Variants in CUX2 observed in about 807,000 individuals in gnomAD.
The protein encoded by CUX2 is cut like homeobox 2, also known as homeobox protein cut-like 2.
Under a neutral mutation model 144.8 loss-of-function variants are expected in CUX2, and 40 were observed. The ratio of observed to expected loss-of-function variants is 0.28; its 90% CI spans 0.21 to 0.36. The LOEUF (loss-of-function observed/expected upper bound fraction) is 0.36, where lower values mean the gene tolerates loss of function less well. Ranked by LOEUF, CUX2 falls within the 10% of genes least tolerant of loss-of-function variation. CUX2 has a pLI of 1.00. For missense variants in CUX2, 1,615 were observed against 1,994.0 expected (o/e 0.81, Z 3.62); for synonymous variants, 827 against 875.6 (o/e 0.94, Z 0.98).
chr12:111,299,320 G>A (rs933480517), intron 9 of CUX2, among the ~76,000 whole-genome samples: 1 of 152,236 alleles, frequency 6.6e-6, no homozygotes, highest in Non-Finnish European at 1.5e-5. Context: ...TTTGAAGCTG[G>A]GTTTCAGAGT....
At position 111,160,860 on chromosome 12, in the gene CUX2, T is replaced by C. The variant is rs1041104773; in HGVS notation, c.64-53340T>C. Reference sequence around the variant, plus strand: ...GAAGATGACTCCCGGGCTCCTGGCCTGAACAGCTGGGTGGACTCCGTGCCG... The same window carrying C: ...GAAGATGACTCCCGGGCTCCTGGCCCGAACAGCTGGGTGGACTCCGTGCCG... On this transcript the variant is annotated intron_variant, in intron 1 of 21. Coordinates refer to ENST00000261726, the MANE Select transcript of CUX2 (RefSeq NM_015267.4). This position sits in a 1 kb window ranked among gnomAD's most constrained non-coding sequence, Gnocchi z 4.1. 3.3e-5 allele frequency among the ~76,000 whole-genome samples: 5 copies of C among 152,158 alleles called. No homozygotes were observed. The highest frequency in any genetic ancestry group is 1.2e-4 in the African/African-American group (5 of 41,434).
At chr12:111,219,702 C>T (rs138687737) in intron 3 of CUX2, among the ~76,000 whole-genome samples, 37 of 152,230 alleles carry the variant, frequency 2.4e-4, no homozygotes, top group African/African-American at 6.3e-4. Flanking sequence ...GTCTGACACA[C>T]GAAGAGCTGT....
chr12:111,046,011 C>T (rs562954704), intron 1 of CUX2, among the ~76,000 whole-genome samples: 8 of 152,348 alleles, frequency 5.3e-5, no homozygotes, highest in African/African-American at 1.9e-4. Flanking sequence ...CCTAGAGATT[C>T]GTTTGCAGTA....
intron 1 of CUX2, among the ~76,000 whole-genome samples, chr12:111,055,296 T>C (rs941368362): frequency 6.6e-6 from 1 of 152,192 alleles, no homozygotes; most frequent in Non-Finnish European, 1.5e-5. Context: ...GAGGCCACCG[T>C]CAGAGCTGGT....
At chr12:111,237,841 C>T (rs1022236470) in intron 3 of CUX2, among the ~76,000 whole-genome samples, 1 of 152,202 alleles carries the variant, frequency 6.6e-6, no homozygotes, top group Non-Finnish European at 1.5e-5. Flanking sequence ...TCTTCCCCTG[C>T]CCCCGTTTCT....
chr12:111,312,060 A>T lies in CUX2; in HGVS notation c.1901-40A>T, dbSNP rs1292833284. The stretch of plus-strand genomic sequence containing the variant: ...CACCAGGCTCCGGAGACTGAGCCCA[A>T]CATGCAGATCCTGCCACAGATGCCT... On this transcript the variant is annotated intron_variant, in intron 15 of 21. Transcript: ENST00000261726. The surrounding 1 kb of genome is among the most constrained non-coding windows in gnomAD (Gnocchi z 4.3). 1 of 1,573,050 alleles carries T rather than the reference A, an allele frequency of 6.4e-7. No individual in the cohort carries two copies. Among genetic ancestry groups the T allele is most frequent in the Non-Finnish European group, 8.7e-7 (1 of 1,148,914 alleles).
intron 21 of CUX2, among the ~76,000 whole-genome samples, chr12:111,344,859 A>T (rs963394606): frequency 6.6e-6 from 1 of 152,192 alleles, no homozygotes; most frequent in Non-Finnish European, 1.5e-5. Context: ...TATCAGTGCA[A>T]ATCAGACTAG....
intron 20 of CUX2, among the ~76,000 whole-genome samples, chr12:111,341,296 C>T (rs183719772): frequency 6.6e-6 from 1 of 151,564 alleles, no homozygotes; most frequent in African/African-American, 2.4e-5. Context: ...CCCATCTCTA[C>T]AAAAAAAATT....
In CUX2 at chr12:111,293,700, G is replaced by A; in HGVS notation, c.560+131G>A. 2 of 1,318,258 alleles carry A rather than the reference G, an allele frequency of 1.5e-6. No homozygotes were observed. The highest frequency in any genetic ancestry group is 2.0e-6 in the Non-Finnish European group (2 of 977,804). The allele number at this position is 1,318,258 out of a possible 1,614,324, so 81.7% of individuals were successfully genotyped here. A position where few individuals can be genotyped will look rare whatever the true frequency, so the allele number is the denominator to read the frequency against. On this transcript the variant is annotated intron_variant, in intron 6 of 21. Transcript: ENST00000261726. This position sits in a 1 kb window ranked among gnomAD's most constrained non-coding sequence, Gnocchi z 4.5. ...GCAGGCTGGAGACCGAGATGAGAAAGGGCCGAGGGCTTTGGACTCCAACCG... is the reference window on the plus strand; with the variant it reads ...GCAGGCTGGAGACCGAGATGAGAAAAGGCCGAGGGCTTTGGACTCCAACCG...
At position 111,320,454 on chromosome 12, in the gene CUX2, C is replaced by T. The variant is rs780582048; in HGVS notation, c.2445C>T (p.Tyr815=). The T allele has an allele frequency of 2.5e-6, 4 of 1,594,360 alleles. No individual in the cohort carries two copies. The highest frequency in any genetic ancestry group is 3.4e-6 in the Non-Finnish European group (4 of 1,176,348). ...TGTCCTCCTCCTCCTCCTCTGGCTA[C>T]TCTGGCCAGCCCAACGGCCGCGCCT... is the stretch of plus-strand genomic sequence containing the variant. The part of the protein sequence containing the change: ...PSLSSSSSSG[Y]SGQPNGRAWP... Residue 815 remains tyrosine (Y), a synonymous_variant, in exon 17 of 22, where the codon TAC becomes TAT. Transcript: ENST00000261726. This position sits in a 1 kb window ranked among gnomAD's most constrained non-coding sequence, Gnocchi z 8.1.
chr12:111,315,945 T>C (rs772689639), intron 16 of CUX2, among the ~76,000 whole-genome samples: 6 of 152,178 alleles, frequency 3.9e-5, no homozygotes. Flanking sequence ...GATCATGCGA[T>C]GCATGTAGTT....
At position 111,043,224 on chromosome 12, in the gene CUX2, G is replaced by C. The variant is rs545468216; in HGVS notation, c.63+8984G>C. Among the ~76,000 whole-genome samples the C allele has an allele frequency of 1.8e-3, 268 of 152,320 alleles. 1 individual carries two copies. Among genetic ancestry groups the C allele is most frequent in the Non-Finnish European group, 2.8e-3 (188 of 68,030 alleles). On this transcript the variant is annotated intron_variant, in intron 1 of 21. Transcript: ENST00000261726. ...ACATGCCATTTCACAGACGGGCAAG[G>C]GGAGTAGATTCCGAGACAGTATATG...
At chr12:111,236,656 A>T (rs1333788610) in intron 3 of CUX2, among the ~76,000 whole-genome samples, 1 of 152,352 alleles carries the variant, frequency 6.6e-6, no homozygotes, top group East Asian at 1.9e-4. Context: ...CACTGGTTCA[A>T]GAGAAATGCC....
intron 1 of CUX2, among the ~76,000 whole-genome samples, chr12:111,207,736 A>G (rs998530996): frequency 1.5e-4 from 23 of 152,182 alleles, no homozygotes; most frequent in African/African-American, 5.3e-4. Flanking sequence ...ACTATGAGCT[A>G]TTGTTTCCTA....
intron 3 of CUX2, among the ~76,000 whole-genome samples, chr12:111,235,198 G>A (rs1246125223): frequency 3.9e-5 from 6 of 152,178 alleles, no homozygotes; most frequent in Admixed American, 3.3e-4. Flanking sequence ...AGTGCTGGGA[G>A]GCGGGGCTGG....
intron 1 of CUX2, among the ~76,000 whole-genome samples, chr12:111,040,968 C>T (rs1193723337): frequency 1.3e-5 from 2 of 152,168 alleles, no homozygotes; most frequent in Admixed American, 6.5e-5. Context: ...TGTGGCATGG[C>T]TGAAATTTTA....
At chr12:111,073,691 G>A (rs913395226) in intron 1 of CUX2, among the ~76,000 whole-genome samples, 7 of 152,066 alleles carry the variant, frequency 4.6e-5, no homozygotes, top group Non-Finnish European at 8.8e-5. Context: ...TGGTCATGGT[G>A]GCTTATGCCT....
In CUX2 at chr12:111,310,983, A is replaced by G. The variant is rs1042397696; in HGVS notation, c.1900+301A>G. Among the ~76,000 whole-genome samples the G allele has an allele frequency of 2.0e-5, 3 of 152,266 alleles. No individual in the cohort carries two copies. The highest frequency in any genetic ancestry group is 4.8e-5 in the African/African-American group (2 of 41,474). On this transcript the variant is annotated intron_variant, in intron 15 of 21. Transcript: ENST00000261726. This position sits in a 1 kb window ranked among gnomAD's most constrained non-coding sequence, Gnocchi z 7.9. ...CTGCCCTGGCAGGTATTCATCCAGC[A>G]CTTCCAAGCCTCAGTTTATACATTT...
intron 1 of CUX2, among the ~76,000 whole-genome samples, chr12:111,122,782 A>C (rs1035180453): frequency 6.6e-6 from 1 of 152,180 alleles, no homozygotes; most frequent in African/African-American, 2.4e-5. Context: ...TCGTGGCTGC[A>C]GATATTTGAT....
Sources: gnomAD v4.1 joint callset for allele counts (sites outside exome capture counted in the v4.1 genomes callset) on GRCh38, gnomAD v4.1.1 for gene constraint, Gnocchi (gnomAD v3.1) non-coding constraint, MANE v1.5 for transcripts, NCBI Gene and HGNC (gene_info 2026-07-23, HGNC 2026-07-21) for gene names.